TMEM74: variants seen among roughly 807,000 people sequenced by gnomAD.
TMEM74 encodes transmembrane protein 74.
A neutral mutation model predicts 18.1 loss-of-function variants in TMEM74; 13 were observed. The ratio of observed to expected loss-of-function variants is 0.72; its 90% CI spans 0.47 to 1.14. The LOEUF (loss-of-function observed/expected upper bound fraction) is 1.14. Ranked by LOEUF, TMEM74 falls within the 50% of genes most tolerant of loss-of-function variation. The pLI, the probability that TMEM74 is intolerant of heterozygous loss-of-function variation, is 0.00. For missense variants in TMEM74, 372 were observed against 375.9 expected, an observed-to-expected ratio of 0.99 and a Z score of 0.09; for synonymous variants, 159 against 146.6, an observed-to-expected ratio of 1.08 and a Z score of -0.61.
chr8:108,748,922 T>C (rs1813878245), intron 1 of TMEM74, among the ~76,000 whole-genome samples: 1 of 152,178 alleles, frequency 6.6e-6, no homozygotes, highest in South Asian at 2.1e-4. Flanking sequence ...AGGTCTTATT[T>C]CTGGTTCTCC....
At chr8:108,754,268 T>C (rs1186653644) in intron 1 of TMEM74, among the ~76,000 whole-genome samples, 1 of 152,302 alleles carries the variant, frequency 6.6e-6, no homozygotes, top group East Asian at 1.9e-4. Context: ...GTAGTTCTTA[T>C]TCTCATTTTA....
chr8:108,684,146 A>G (rs1813144633), intron 1 of TMEM74, among the ~76,000 whole-genome samples: 1 of 152,062 alleles, frequency 6.6e-6, no homozygotes. Context: ...ATCATATGGT[A>G]GTCCCAATTG....
chr8:108,742,526 A>C (rs969631622), intron 1 of TMEM74, among the ~76,000 whole-genome samples: 5 of 152,224 alleles, frequency 3.3e-5, no homozygotes, highest in African/African-American at 1.2e-4. Context: ...CATAAGTAGC[A>C]CTACTACTAG....
intron 1 of TMEM74, among the ~76,000 whole-genome samples, chr8:108,753,764 T>C (rs1813927400): frequency 6.6e-6 from 1 of 152,120 alleles, no homozygotes; most frequent in African/African-American, 2.4e-5. Context: ...TTTAAATTGA[T>C]ATGTGAGTTT....
At chr8:108,667,983 A>G (rs1201064065) in intron 1 of TMEM74, among the ~76,000 whole-genome samples, 1 of 152,110 alleles carries the variant, frequency 6.6e-6, no homozygotes, top group Non-Finnish European at 1.5e-5. Context: ...TTGATTAAAT[A>G]TTTTCCATGC....
At chr8:108,787,289 C>G (rs1475924083) in intron 1 of TMEM74, among the ~76,000 whole-genome samples, 187 bp downstream of exon 1, 1 of 152,234 alleles carries the variant, frequency 6.6e-6, no homozygotes, top group Non-Finnish European at 1.5e-5. Flanking sequence ...CAGCAGGCGC[C>G]GAGGAATCCG....
intron 1 of TMEM74, among the ~76,000 whole-genome samples, chr8:108,656,683 C>T (rs1812824495): frequency 6.6e-6 from 1 of 152,188 alleles, no homozygotes; most frequent in Non-Finnish European, 1.5e-5. Context: ...GCATACCTCT[C>T]TCACGATCAT....
intron 2 of TMEM74, among the ~76,000 whole-genome samples, chr8:108,635,630 C>G (rs1812599544): frequency 6.6e-6 from 1 of 152,076 alleles, no homozygotes; most frequent in Non-Finnish European, 1.5e-5. Context: ...TATCTCTCCT[C>G]ACTTAGAAGG....
At chr8:108,737,767 G>A (rs1299107250) in intron 1 of TMEM74, among the ~76,000 whole-genome samples, 5 of 152,200 alleles carry the variant, frequency 3.3e-5, no homozygotes, top group African/African-American at 1.2e-4. Flanking sequence ...GTTTTGAATA[G>A]CATTTACTCA....
At chr8:108,758,233 A>T (rs754869887) in intron 1 of TMEM74, among the ~76,000 whole-genome samples, 7 of 152,082 alleles carry the variant, frequency 4.6e-5, no homozygotes, top group Non-Finnish European at 1.0e-4. Flanking sequence ...TTTAAAATAT[A>T]AAGCAGAAAC....
At chr8:108,617,540 T>C (rs893284009) in intron 2 of TMEM74, among the ~76,000 whole-genome samples, 16 of 152,060 alleles carry the variant, frequency 1.1e-4, no homozygotes, top group Non-Finnish European at 1.6e-4. Flanking sequence ...TCAAACCTCA[T>C]TTGGTTGGCT....
chr8:108,638,799 G>A (rs892055413), intron 2 of TMEM74, among the ~76,000 whole-genome samples: 1 of 152,020 alleles, frequency 6.6e-6, no homozygotes, highest in Admixed American at 6.6e-5. Flanking sequence ...CGGTGTGGTG[G>A]GCTGATCGCA....
intron 1 of TMEM74, among the ~76,000 whole-genome samples, chr8:108,728,999 T>A (rs1333122428): frequency 6.6e-6 from 1 of 152,256 alleles, no homozygotes; most frequent in African/African-American, 2.4e-5. Context: ...ATTAACTTTC[T>A]CTTGCTGCTA....
At chr8:108,725,140 C>T (rs1196587660) in intron 1 of TMEM74, among the ~76,000 whole-genome samples, 3 of 152,178 alleles carry the variant, frequency 2.0e-5, no homozygotes, top group Admixed American at 6.5e-5. Flanking sequence ...AGAAGACTTG[C>T]CCCACCTTGC....
rs939888254 is a variant in TMEM74 at position 108,781,353 on chromosome 8, C to T, written c.*2828G>A. 1.3e-5 allele frequency among the ~76,000 whole-genome samples: 2 copies of T among 152,128 alleles called. No individual in the cohort carries two copies. ...GCATCACCTGGTCTTGCCAAAGTACCTCTAGAGCCAAAAACACTCTTTGTC... is the reference window on the plus strand; with the variant it reads ...GCATCACCTGGTCTTGCCAAAGTACTTCTAGAGCCAAAAACACTCTTTGTC... On this transcript the variant is annotated 3_prime_UTR_variant, in exon 2 of 2. Coordinates refer to ENST00000297459, the MANE Select transcript of TMEM74 (RefSeq NM_153015.3).
At chr8:108,703,387 G>T (rs1019699250) in intron 1 of TMEM74, among the ~76,000 whole-genome samples, 9 of 152,242 alleles carry the variant, frequency 5.9e-5, no homozygotes, top group African/African-American at 2.2e-4. Flanking sequence ...AGGAACTGTT[G>T]TATCTAAAGG....
intron 1 of TMEM74, among the ~76,000 whole-genome samples, chr8:108,669,134 C>T (rs1174729514): frequency 6.6e-6 from 1 of 152,056 alleles, no homozygotes; most frequent in Admixed American, 6.6e-5. Context: ...AGAGCATATG[C>T]AGGCAATACT....
chr8:108,616,495 G>A (rs1033999275), intron 2 of TMEM74, among the ~76,000 whole-genome samples: 1 of 152,142 alleles, frequency 6.6e-6, no homozygotes, highest in Non-Finnish European at 1.5e-5. Flanking sequence ...TTAGTGGAAA[G>A]GTTGGGAGAG....
At chr8:108,650,648 CT>C (rs1812763900) in intron 2 of TMEM74, among the ~76,000 whole-genome samples, 1 of 152,070 alleles carries the variant, frequency 6.6e-6, no homozygotes, top group Non-Finnish European at 1.5e-5. Flanking sequence ...CCTGGCTTTT[CT>C]TTTACTTACT....
Sources: allele counts gnomAD v4.1 joint callset (sites outside exome capture counted in the v4.1 genomes callset), GRCh38; gene constraint gnomAD v4.1.1; transcripts MANE v1.5; gene names NCBI Gene and HGNC (gene_info 2026-07-23, HGNC 2026-07-21).